The following C7 variants were observed in gnomAD, a reference collection of about 807,000 sequenced individuals.
C7 encodes complement component C7.
Under a neutral mutation model 104.8 loss-of-function variants are expected in C7, and 83 were observed. The ratio of observed to expected loss-of-function variants is 0.79; its 90% CI spans 0.66 to 0.95. The LOEUF is 0.95. Ranked by LOEUF, C7 falls within the 40% of genes least tolerant of loss-of-function variation. The probability of loss-of-function intolerance (pLI) is 0.00; values close to 1 mark genes in which losing one functional copy is unlikely to be tolerated. For synonymous variants in C7, 415 were observed against 360.6 expected, an observed-to-expected ratio of 1.15 and a Z score of -1.71; for missense variants, 1,070 against 1,011.2, an observed-to-expected ratio of 1.06 and a Z score of -0.79.
chr5:40,928,509 A>T, intron 1 of C7, 71 bp from the exon 2 acceptor site: 1 of 862,012 alleles, frequency 1.2e-6, no homozygotes, highest in Non-Finnish European at 1.8e-6. Context: ...TTATACAATT[A>T]TAAATTGTCA....
intron 14 of C7, chr5:40,972,173 G>A (rs977652315): frequency 1.8e-6 from 1 of 569,720 alleles, no homozygotes; most frequent in Non-Finnish European, 3.2e-6. Context: ...GTTTTGAGGG[G>A]AGGGGTGGGA....
At chr5:40,951,904 C>CTGTG (rs1206805026) in intron 9 of C7, among the ~76,000 whole-genome samples, 1 of 152,132 alleles carries the variant, frequency 6.6e-6, no homozygotes, top group East Asian at 1.9e-4. Flanking sequence ...TTTATGGAGT[C>CTGTG]TGTGGTATGT....
In C7 at chr5:40,979,829, T is replaced by A. The variant is rs1026952032; in HGVS notation, c.2270T>A (p.Leu757His). Reference protein sequence around the residue: ...VLHCQGRNYTLTGRDSCTLPA... With the variant: ...VLHCQGRNYTHTGRDSCTLPA... Reference sequence around the variant, plus strand: ...CACTGTCAGGGTAGAAATTACACCCTTACTGGTAGGGACAGCTGTACTCTG... The same window carrying A: ...CACTGTCAGGGTAGAAATTACACCCATACTGGTAGGGACAGCTGTACTCTG... The change falls in exon 17 of 18, where the codon CTT becomes CAT. Residue 757 changes from leucine to histidine, a missense_variant. Transcript: ENST00000313164. The A allele has an allele frequency of 6.2e-7, 1 of 1,613,546 alleles. No homozygotes were observed. The highest frequency in any genetic ancestry group is 8.5e-7 in the Non-Finnish European group (1 of 1,179,682).
intron 1 of C7, chr5:40,910,937 T>C (rs959459596): frequency 6.6e-6 from 1 of 152,216 alleles, no homozygotes; most frequent in Non-Finnish European, 1.5e-5. Flanking sequence ...AATTGCTTTG[T>C]GCTTAAAAAC....
Position 40,972,326 on chromosome 5 carries a change from T to C in C7, c.1883-77T>C, listed in dbSNP as rs1446342318. 7 of 1,174,966 alleles carry C rather than the reference T, an allele frequency of 6.0e-6. No homozygotes were observed. In the African/African-American group the frequency reaches 1.1e-4, roughly 18 times the overall value. The allele number at this position is 1,174,966 out of a possible 1,614,324, so 72.8% of individuals were successfully genotyped here. A position where few individuals can be genotyped will look rare whatever the true frequency, so the allele number is the denominator to read the frequency against. Reference sequence around the variant, plus strand: ...TATGAAAAAGCAGAACAAGTGTGTCTGCATCACATAAGACTTTTTTAAAAA... The same window carrying C: ...TATGAAAAAGCAGAACAAGTGTGTCCGCATCACATAAGACTTTTTTAAAAA... On this transcript the variant is annotated intron_variant, in intron 14 of 17. Transcript: ENST00000313164.
intron 6 of C7, among the ~76,000 whole-genome samples, chr5:40,938,048 A>G (rs1392577840): frequency 2.0e-5 from 3 of 152,142 alleles, no homozygotes; most frequent in Non-Finnish European, 4.4e-5. Flanking sequence ...CTCACTTAAA[A>G]TGCTTTTATT....
intron 14 of C7, among the ~76,000 whole-genome samples, chr5:40,969,068 C>T (rs1318925133): frequency 1.3e-5 from 2 of 151,936 alleles, no homozygotes; most frequent in East Asian, 1.9e-4. Flanking sequence ...CCCAGTTTCC[C>T]TATTAGGTAT....
chr5:40,912,861 G>A (rs1739236714), intron 1 of C7, among the ~76,000 whole-genome samples: 1 of 152,034 alleles, frequency 6.6e-6, no homozygotes, highest in Non-Finnish European at 1.5e-5. Context: ...TGGATATATT[G>A]GGTAGTGTTG....
chr5:40,941,715 T>C (rs1333643558), intron 6 of C7, among the ~76,000 whole-genome samples: 1 of 152,032 alleles, frequency 6.6e-6, no homozygotes, highest in Non-Finnish European at 1.5e-5. Context: ...TATGAATGGG[T>C]TTCTGACTTG....
chr5:40,934,472 T>C lies in C7; in HGVS notation c.280+6T>C. On this transcript the variant is annotated splice_donor_region_variant and intron_variant, in intron 4 of 17. Transcript: ENST00000313164. ...GCGTTTCAGGTGCTTTTCAGGTAAC[T>C]TGTTTTCCATAGGCTCAGCATGCAG... The C allele has an allele frequency of 6.2e-7, 1 of 1,613,386 alleles. No homozygotes were observed.
chr5:40,972,109 A>G (rs74480769), intron 14 of C7: 16,504 of 518,586 alleles, frequency 0.032, 396 homozygotes, highest in Middle Eastern at 0.047. Flanking sequence ...TGGTTTCAAC[A>G]GTAGGCTGGG....
At chr5:40,917,409 A>G (rs1739341241) in intron 1 of C7, among the ~76,000 whole-genome samples, 1 of 152,106 alleles carries the variant, frequency 6.6e-6, no homozygotes, top group Non-Finnish European at 1.5e-5. Flanking sequence ...ATTTCACTTA[A>G]CATAATGTTA....
intron 12 of C7, among the ~76,000 whole-genome samples, chr5:40,960,315 T>C (rs1424104149): frequency 6.6e-6 from 1 of 152,210 alleles, no homozygotes; most frequent in Non-Finnish European, 1.5e-5. Context: ...GTAAGATAAT[T>C]TGAAGGTCAT....
At chr5:40,925,657 T>TTA (rs1450427842) in intron 1 of C7, among the ~76,000 whole-genome samples, 1 of 152,144 alleles carries the variant, frequency 6.6e-6, no homozygotes, top group African/African-American at 2.4e-5. Flanking sequence ...GCTGGGTAAT[T>TTA]TATAAAGAAA....
intron 4 of C7, 149 bp downstream of exon 4, chr5:40,934,615 G>A (rs1739775758): frequency 1.3e-6 from 1 of 777,778 alleles, no homozygotes; most frequent in Non-Finnish European, 2.1e-6. Flanking sequence ...TTGTTGGTAT[G>A]TTAATCATCC....
chr5:40,924,535 G>A (rs980367767), intron 1 of C7, among the ~76,000 whole-genome samples: 2 of 152,196 alleles, frequency 1.3e-5, no homozygotes, highest in African/African-American at 4.8e-5. Flanking sequence ...CTCCAGTGGG[G>A]ACTGTGTGGG....
In C7 at chr5:40,955,453, G is replaced by A; in HGVS notation, c.1160G>A (p.Gly387Asp). 1 of 1,613,228 alleles carries A rather than the reference G, an allele frequency of 6.2e-7. No individual in the cohort carries two copies. Among genetic ancestry groups the A allele is most frequent in the African/African-American group, 1.3e-5 (1 of 75,014 alleles). ...IRGGGAGFIS[G>D]LSYLELDNPA... ...GGGGGAGGTGCAGGCTTCATATCTG[G>A]CCTTAGTTACCTAGAGCTGGACAAT... The change falls in exon 10 of 18, where the codon GGC becomes GAC. Residue 387 changes from glycine (G) to aspartate (D), a missense_variant. By Grantham distance (94) the Gly-to-Asp change is moderately conservative (BLOSUM62 -1). Coordinates refer to ENST00000313164, the MANE Select transcript of C7 (RefSeq NM_000587.4).
intron 3 of C7, 84 bp downstream of exon 3, chr5:40,931,223 T>C (rs1223391427): frequency 5.3e-6 from 5 of 940,670 alleles, no homozygotes; most frequent in Non-Finnish European, 6.8e-6. Flanking sequence ...TTTTGAATGT[T>C]CATTAAATAG....
rs58480949 is a variant in C7, at chr5:40,945,875, C to CATATATAT, written c.738+534_738+541dup. Among the ~76,000 whole-genome samples, 305 of 127,258 alleles carry CATATATAT rather than the reference C, an allele frequency of 2.4e-3. 1 individual carries two copies. The highest frequency in any genetic ancestry group is 5.0e-3 in the Middle Eastern group (1 of 200). 83.5% of individuals were successfully genotyped at this position (127,258 alleles called of 152,430 possible). On this transcript the variant is annotated intron_variant, in intron 7 of 17. Coordinates refer to ENST00000313164, the MANE Select transcript of C7 (RefSeq NM_000587.4). The stretch of plus-strand genomic sequence containing the variant: ...TGAGACCCTGTCTCAAAAAAAAATA[C>CATATATAT]ATATATATATATATATATATATATA...
Sources: gnomAD v4.1 joint callset for allele counts (sites outside exome capture counted in the v4.1 genomes callset) on GRCh38, gnomAD v4.1.1 for gene constraint, MANE v1.5 for transcripts, NCBI Gene and HGNC (gene_info 2026-07-23, HGNC 2026-07-21) for gene names.